Variants in NEXN observed in about 807,000 individuals in gnomAD.
NEXN encodes the protein nexilin.
In NEXN, 65 loss-of-function variants were observed where a neutral mutation model predicts 92.6. That is an observed-to-expected ratio of 0.70 (90% CI 0.57 to 0.86). The LOEUF (loss-of-function observed/expected upper bound fraction) is 0.86. NEXN is among the 40% of genes least tolerant of loss of function. The pLI is 0.00. For synonymous variants in NEXN, 254 were observed against 242.5 expected, an observed-to-expected ratio of 1.05 and a Z score of -0.44; for missense variants, 778 against 771.1, an observed-to-expected ratio of 1.01 and a Z score of -0.11.
intron 1 of NEXN, among the ~76,000 whole-genome samples, chr1:77,905,043 C>T (rs1171661483): frequency 6.6e-6 from 1 of 152,024 alleles, no homozygotes; most frequent in Non-Finnish European, 1.5e-5. Context: ...GTGGGCGGAT[C>T]ACGAGGTCAA....
intron 11 of NEXN, among the ~76,000 whole-genome samples, chr1:77,936,489 T>C (rs1233344806): frequency 6.6e-6 from 1 of 152,184 alleles, no homozygotes; most frequent in Non-Finnish European, 1.5e-5. Flanking sequence ...GTAGAACCAG[T>C]GTATATTCAA....
intron 1 of NEXN, among the ~76,000 whole-genome samples, chr1:77,902,244 A>G (rs1181313068): frequency 6.6e-6 from 1 of 152,164 alleles, no homozygotes; most frequent in Non-Finnish European, 1.5e-5. Context: ...TAGGTATTCA[A>G]TTTGTTATTT....
chr1:77,918,721 T>C (rs1649188972), intron 5 of NEXN, among the ~76,000 whole-genome samples: 1 of 149,752 alleles, frequency 6.7e-6, no homozygotes, highest in Non-Finnish European at 1.5e-5. Context: ...AGGAAAAATA[T>C]TTAACATCAG....
In NEXN at chr1:77,926,497, T is replaced by C. The variant is rs1258038782; in HGVS notation, c.573T>C (p.Asp191=). ...TSGKMKKNFE[D]LEKEREEKER... ...GAAAAATGAAAAAGAATTTTGAGGA[T>C]CTAGAAAAAGAACGTGAAGAGAAAG... The change falls in exon 7 of 13, where the codon GAT becomes GAC. Residue 191 remains aspartate, a synonymous_variant. Coordinates refer to ENST00000334785, the MANE Select transcript of NEXN (RefSeq NM_144573.4). The C allele has an allele frequency of 6.2e-7, 1 of 1,611,378 alleles. No individual in the cohort carries two copies. The highest frequency in any genetic ancestry group is 1.7e-5 in the Admixed American group (1 of 59,652).
At chr1:77,925,855 T>A (rs1014490496) in intron 6 of NEXN, among the ~76,000 whole-genome samples, 1 of 151,942 alleles carries the variant, frequency 6.6e-6, no homozygotes, top group African/African-American at 2.4e-5. Context: ...GATTATATAA[T>A]TAAAATGAAT....
At position 77,924,000 on chromosome 1, in the gene NEXN, G is replaced by C. The variant is rs1239930060; in HGVS notation, c.448-1188G>C. ...CAAGCTCTCACTTTTTAAATGAGGAGCTTTCCTACTTAGACCTCGTCAAAA... is the reference window on the plus strand; with the variant it reads ...CAAGCTCTCACTTTTTAAATGAGGACCTTTCCTACTTAGACCTCGTCAAAA... On this transcript the variant is annotated intron_variant, in intron 5 of 12. Transcript: ENST00000334785. Among the ~76,000 whole-genome samples, 3 of 152,150 alleles carry C rather than the reference G, an allele frequency of 2.0e-5. No homozygotes were observed. In the East Asian group the frequency reaches 5.8e-4, roughly 29 times the overall value.
At chr1:77,903,295 T>TTTTTTTTTAAACCTA (rs1647861560) in intron 1 of NEXN, among the ~76,000 whole-genome samples, 2 of 152,288 alleles carry the variant, frequency 1.3e-5, no homozygotes, top group African/African-American at 4.8e-5. Context: ...AAACCTATTT[T>TTTTTTTTTAAACCTA]TTTTACCAAT....
chr1:77,939,998 C>T (rs972250503), intron 11 of NEXN, among the ~76,000 whole-genome samples: 18 of 152,008 alleles, frequency 1.2e-4, no homozygotes, highest in Non-Finnish European at 2.5e-4. Flanking sequence ...GGCTTGAACC[C>T]GGGAGACAGG....
intron 11 of NEXN, among the ~76,000 whole-genome samples, chr1:77,938,879 T>G (rs1651016067): frequency 6.6e-6 from 1 of 152,174 alleles, no homozygotes; most frequent in Non-Finnish European, 1.5e-5. Context: ...AAGGCAAGGT[T>G]CACAGAATAA....
chr1:77,900,291 T>A (rs1476180297), intron 1 of NEXN, among the ~76,000 whole-genome samples: 3 of 152,238 alleles, frequency 2.0e-5, no homozygotes. Flanking sequence ...AACTCAAATG[T>A]CATTGTCTCC....
At chr1:77,908,107 A>C (rs1648264926) in intron 1 of NEXN, among the ~76,000 whole-genome samples, 2 of 152,042 alleles carry the variant, frequency 1.3e-5, no homozygotes, top group Admixed American at 1.3e-4. Flanking sequence ...AGACAGTCTC[A>C]TGCTTTGTTG....
intron 1 of NEXN, among the ~76,000 whole-genome samples, chr1:77,899,685 A>C (rs1647537825): frequency 1.3e-5 from 2 of 152,026 alleles, no homozygotes; most frequent in African/African-American, 4.8e-5. Flanking sequence ...AAATAAAAAA[A>C]CAAAAAACAA....
chr1:77,936,664 T>C (rs960917966), intron 11 of NEXN, among the ~76,000 whole-genome samples: 1 of 152,222 alleles, frequency 6.6e-6, no homozygotes, highest in African/African-American at 2.4e-5. Flanking sequence ...ATCACTGACC[T>C]GCAACATCCC....
chr1:77,925,230 G>A lies in NEXN; in HGVS notation c.489+1G>A. 6.3e-7 allele frequency: 1 copy of A among 1,592,322 alleles called. No homozygotes were observed. Among genetic ancestry groups the A allele is most frequent in the Non-Finnish European group, 8.6e-7 (1 of 1,162,044 alleles). ...TACGGGAACTGAATCAGCATCAGAG[G>A]TAAACAGACATTTCCTTTAATGAAA... On this transcript the variant is annotated splice_donor_variant, in intron 6 of 12. Coordinates refer to ENST00000334785, the MANE Select transcript of NEXN (RefSeq NM_144573.4). LOFTEE classifies it high-confidence loss of function.
chr1:77,915,842 T>C (rs1648932430), intron 1 of NEXN, among the ~76,000 whole-genome samples: 1 of 152,166 alleles, frequency 6.6e-6, no homozygotes. Context: ...CTATTCTGGA[T>C]CAAAAACTTT....
chr1:77,926,705 C>T lies in NEXN; in HGVS notation c.688-11C>T, dbSNP rs1469782292. On this transcript the variant is annotated splice_polypyrimidine_tract_variant and intron_variant, in intron 7 of 12. Coordinates refer to ENST00000334785, the MANE Select transcript of NEXN (RefSeq NM_144573.4). The stretch of plus-strand genomic sequence containing the variant: ...ATGACTAAAAGGTGGGTTTTCATAA[C>T]GTTTTCTTAGGATGATGAAATAGAA... The T allele has an allele frequency of 3.7e-6, 6 of 1,613,600 alleles. No individual in the cohort carries two copies. Among genetic ancestry groups the T allele is most frequent in the Middle Eastern group, 1.7e-4 (1 of 6,058 alleles).
intron 1 of NEXN, among the ~76,000 whole-genome samples, chr1:77,896,855 A>G (rs1335233783): frequency 6.6e-6 from 1 of 152,124 alleles, no homozygotes; most frequent in African/African-American, 2.4e-5. Flanking sequence ...AGAAATACAA[A>G]CTACCATCAG....
chr1:77,928,458 G>A (rs529407486), intron 8 of NEXN, among the ~76,000 whole-genome samples: 2 of 151,490 alleles, frequency 1.3e-5, no homozygotes, highest in South Asian at 2.1e-4. Context: ...GTTATTACTC[G>A]GGTATAGCTG....
chr1:77,941,208 A>G (rs1307706664), intron 11 of NEXN, among the ~76,000 whole-genome samples: 2 of 152,130 alleles, frequency 1.3e-5, no homozygotes, highest in Admixed American at 6.5e-5. Flanking sequence ...TTCCAACTAG[A>G]TCCACAAATG....
Sources: gnomAD v4.1 joint callset for allele counts (sites outside exome capture counted in the v4.1 genomes callset) on GRCh38, gnomAD v4.1.1 for gene constraint, MANE v1.5 for transcripts, NCBI Gene and HGNC (gene_info 2026-07-23, HGNC 2026-07-21) for gene names.